The following MBP variants were observed in gnomAD, a reference collection of about 807,000 sequenced individuals.
MBP encodes the protein Golli-MBP.
MBP carries 16 observed loss-of-function variants against 35.8 expected under a neutral mutation model. The observed-to-expected ratio is 0.45, with a 90% CI of 0.30 to 0.68. The LOEUF (loss-of-function observed/expected upper bound fraction) is 0.68, where lower values mean the gene tolerates loss of function less well. Ranked by LOEUF, MBP falls within the 30% of genes least tolerant of loss-of-function variation. The pLI, the probability that MBP is intolerant of heterozygous loss-of-function variation, is 0.08. For missense variants in MBP, 380 were observed against 404.7 expected, an observed-to-expected ratio of 0.94 and a Z score of 0.52; for synonymous variants, 143 against 159.6, an observed-to-expected ratio of 0.90 and a Z score of 0.78.
intron 1 of MBP, chr18:77,108,510 G>A (rs573899062): frequency 6.6e-6 from 1 of 152,328 alleles, no homozygotes; most frequent in South Asian, 2.1e-4. Context: ...GACTTCCGCG[G>A]TCTCAGTTGG....
At chr18:77,035,632 G>A (rs1321254095) in intron 3 of MBP, among the ~76,000 whole-genome samples, 2 of 152,044 alleles carry the variant, frequency 1.3e-5, no homozygotes, top group African/African-American at 2.4e-5. Flanking sequence ...ATGCAATGCC[G>A]TGACACCACA....
intron 4 of MBP, among the ~76,000 whole-genome samples, chr18:77,012,203 C>T (rs987802453): frequency 1.3e-5 from 2 of 152,212 alleles, no homozygotes; most frequent in African/African-American, 4.8e-5. Flanking sequence ...TCATTATCAT[C>T]TTTCAGAGAG....
intron 2 of MBP, among the ~76,000 whole-genome samples, chr18:77,089,037 C>G (rs918257975): frequency 2.6e-5 from 4 of 152,234 alleles, no homozygotes; most frequent in African/African-American, 9.6e-5. Context: ...GCATCACAGG[C>G]CTTGGTTCCC....
intron 7 of MBP, chr18:76,985,625 G>A (rs1370455872): frequency 2.8e-6 from 3 of 1,054,434 alleles, no homozygotes; most frequent in Admixed American, 5.0e-5. Context: ...TGGCTGGCAC[G>A]GGGGGCGGCC....
chr18:77,063,231 G>A (rs192754883), intron 3 of MBP, among the ~76,000 whole-genome samples: 14 of 152,274 alleles, frequency 9.2e-5, no homozygotes, highest in Admixed American at 5.2e-4. Context: ...AGCACTCTGC[G>A]CCTTTAGAGT....
chr18:76,986,120 C>T (rs1355764867), intron 7 of MBP: 2 of 985,496 alleles, frequency 2.0e-6, no homozygotes, highest in Non-Finnish European at 2.4e-6. Flanking sequence ...ACGGTGGGTG[C>T]ACTGTCTGTG....
intron 3 of MBP, among the ~76,000 whole-genome samples, chr18:77,040,254 C>T (rs1486615300): frequency 1.1e-4 from 16 of 152,150 alleles, no homozygotes; most frequent in Admixed American, 5.9e-4. Context: ...AGGAGAACTA[C>T]AAACCACTGC....
chr18:77,102,357 T>A lies in MBP; in HGVS notation c.51+2854A>T, dbSNP rs984802920. Reference sequence around the variant, plus strand: ...GAATCACACACAGAAATGTGCAGAGTGGTAGGTGACACGGCTGGAGCTCAT... The same window carrying A: ...GAATCACACACAGAAATGTGCAGAGAGGTAGGTGACACGGCTGGAGCTCAT... On this transcript the variant is annotated intron_variant, in intron 2 of 8. Coordinates refer to ENST00000355994, the MANE Select transcript of MBP (RefSeq NM_001025101.2). This position sits in a 1 kb window ranked among gnomAD's most constrained non-coding sequence, Gnocchi z 4.4. Among the ~76,000 whole-genome samples the A allele has an allele frequency of 1.3e-5, 2 of 151,922 alleles. No individual in the cohort carries two copies. Among genetic ancestry groups the A allele is most frequent in the African/African-American group, 4.8e-5 (2 of 41,332 alleles).
Position 76,988,852 on chromosome 18 carries a change from C to G in MBP, c.717+25G>C, listed in dbSNP as rs1219935963. On this transcript the variant is annotated intron_variant, in intron 6 of 8. Coordinates refer to ENST00000355994, the MANE Select transcript of MBP (RefSeq NM_001025101.2). This position sits in a 1 kb window ranked among gnomAD's most constrained non-coding sequence, Gnocchi z 5.2. Reference sequence around the variant, plus strand: ...GAAGGTCTATCAGAAAAGTGATGATCAATCAAAACATTCCAAGGTCTTACC... The same window carrying G: ...GAAGGTCTATCAGAAAAGTGATGATGAATCAAAACATTCCAAGGTCTTACC... The G allele has an allele frequency of 3.7e-6, 6 of 1,605,762 alleles. No individual in the cohort carries two copies. Among genetic ancestry groups the G allele is most frequent in the Non-Finnish European group, 2.6e-6 (3 of 1,174,792 alleles).
chr18:76,987,579 C>T (rs1230566168), intron 7 of MBP: 14 of 984,842 alleles, frequency 1.4e-5, no homozygotes, highest in Admixed American at 6.2e-5. Context: ...TGTTGTTTTT[C>T]TTTTAAAATG....
At chr18:77,098,981 T>C (rs1350890981) in intron 2 of MBP, among the ~76,000 whole-genome samples, 2 of 146,254 alleles carry the variant, frequency 1.4e-5, no homozygotes, top group East Asian at 2.1e-4. Context: ...TCTCCTCTTC[T>C]CTCCCCTCCT....
At chr18:77,016,701 C>T (rs1002877330) in intron 4 of MBP, 131 bp downstream of exon 4, 12 of 1,464,054 alleles carry the variant, frequency 8.2e-6, no homozygotes, top group Non-Finnish European at 1.1e-5. Flanking sequence ...TATGCATTCT[C>T]CAGCACGGAA....
At chr18:77,026,198 G>A (rs1972215766) in intron 3 of MBP, among the ~76,000 whole-genome samples, 1 of 152,240 alleles carries the variant, frequency 6.6e-6, no homozygotes, top group Non-Finnish European at 1.5e-5. Context: ...TGAACTCAGC[G>A]CTTTTCACGC....
chr18:77,025,705 C>CTTTTTTT (rs540022394), intron 3 of MBP, among the ~76,000 whole-genome samples: 3,035 of 108,674 alleles, frequency 0.028, 156 homozygotes, highest in Non-Finnish European at 0.036. Flanking sequence ...TATTGAAATA[C>CTTTTTTT]TTTTTTTTTT....
At chr18:77,111,962 T>C (rs1239966725) in intron 1 of MBP, among the ~76,000 whole-genome samples, 1 of 152,182 alleles carries the variant, frequency 6.6e-6, no homozygotes, top group East Asian at 1.9e-4. Flanking sequence ...TCTTTCACTA[T>C]CCTTGTCTCC....
In MBP at chr18:77,048,758, C is replaced by T. The variant is rs140715498; in HGVS notation, c.139+17540G>A. 2.6e-3 allele frequency among the ~76,000 whole-genome samples: 391 copies of T among 152,194 alleles called. 1 individual carries two copies. Among genetic ancestry groups the T allele is most frequent in the Non-Finnish European group, 3.7e-3 (251 of 68,000 alleles). On this transcript the variant is annotated intron_variant, in intron 3 of 8. Coordinates refer to ENST00000355994, the MANE Select transcript of MBP (RefSeq NM_001025101.2). The stretch of plus-strand genomic sequence containing the variant: ...GGATTACAGGCGTGAGCCACCATGC[C>T]CAGCCAATCTCTGTAGGTTCTATAA...
chr18:77,081,162 G>A (rs776569133), intron 2 of MBP, among the ~76,000 whole-genome samples: 4 of 152,152 alleles, frequency 2.6e-5, no homozygotes, highest in Non-Finnish European at 4.4e-5. Context: ...CCTCCTGGGC[G>A]GCAGCTCTTA....
chr18:76,985,089 G>A lies in MBP; in HGVS notation c.751-195C>T, dbSNP rs1269984698. On this transcript the variant is annotated intron_variant, in intron 7 of 8. Transcript: ENST00000355994. ...GAGGCTGCTCCCCCAGGTCTACCAG[G>A]GTGTTGGCCGCAGAGAGAGGAGGGC... The A allele has an allele frequency of 4.0e-6, 6 of 1,514,984 alleles. No homozygotes were observed. In the East Asian group the frequency reaches 9.8e-5, roughly 25 times the overall value. 93.8% of individuals were successfully genotyped at this position (1,514,984 alleles called of 1,614,324 possible).
intron 2 of MBP, among the ~76,000 whole-genome samples, chr18:77,073,403 T>C (rs1322621233): frequency 6.6e-6 from 1 of 152,198 alleles, no homozygotes; most frequent in African/African-American, 2.4e-5. Flanking sequence ...AAAGGGTGGG[T>C]TATTATTCAC....
Sources: gnomAD v4.1 joint callset for allele counts (sites outside exome capture counted in the v4.1 genomes callset) on GRCh38, gnomAD v4.1.1 for gene constraint, Gnocchi (gnomAD v3.1) non-coding constraint, MANE v1.5 for transcripts, NCBI Gene and HGNC (gene_info 2026-07-23, HGNC 2026-07-21) for gene names.